Variants in ABCA7 observed in about 807,000 individuals in gnomAD.
ABCA7 encodes the protein phospholipid-transporting ATPase ABCA7.
ABCA7 carries 261 observed loss-of-function variants against 227.6 expected under a neutral mutation model. That is an observed-to-expected ratio of 1.15 (90% CI 1.04 to 1.27). ABCA7 has a LOEUF of 1.27. Ranked by LOEUF, ABCA7 falls within the 50% of genes most tolerant of loss-of-function variation. ABCA7 has a pLI of 0.00. For missense variants in ABCA7, 3,331 were observed against 2,924.5 expected, an observed-to-expected ratio of 1.14 and a Z score of -3.21; for synonymous variants, 1,488 against 1,279.7, an observed-to-expected ratio of 1.16 and a Z score of -3.47.
rs145667385 is a variant in ABCA7, at chr19:1,055,335, C to T, written c.4189C>T (p.Arg1397Cys). ...LSDFLVKTYP[R>C]LVRQGLKTKK... ...TGACTTCCTGGTCAAGACCTACCCG[C>T]GCCTGGTGCGCCAGGGGTGAGCCAT... Residue 1397 changes from arginine to cysteine, a missense_variant, in exon 30 of 47, where the codon CGC (arginine) becomes TGC (cysteine). Coordinates refer to ENST00000263094, the MANE Select transcript of ABCA7 (RefSeq NM_019112.4). The T allele has an allele frequency of 5.9e-5, 94 of 1,589,286 alleles. No homozygotes were observed. In the African/African-American group the frequency reaches 9.6e-4, roughly 16 times the overall value.
Position 1,052,245 on chromosome 19 carries a change from C to T in ABCA7, c.3179C>T (p.Thr1060Ile), listed in dbSNP as rs146500441. ...ADTDMEGSVDTRQEKKNGSQG... is the reference protein window; with the variant it reads ...ADTDMEGSVDIRQEKKNGSQG... The stretch of plus-strand genomic sequence containing the variant: ...ACTGACATGGAGGGCAGTGTGGACA[C>T]CAGGCAGGAAAAGAAGAATGGCAGC... The change falls in exon 23 of 47, where the codon ACC becomes ATC. Residue 1060 changes from threonine (T) to isoleucine (I), a missense_variant. Coordinates refer to ENST00000263094, the MANE Select transcript of ABCA7 (RefSeq NM_019112.4). The T allele has an allele frequency of 2.2e-5, 34 of 1,559,066 alleles. 1 individual carries two copies. In the African/African-American group the frequency reaches 4.2e-4, roughly 19 times the overall value.
intron 12 of ABCA7, chr19:1,045,435 G>A (rs1018982822): frequency 1.2e-5 from 7 of 604,556 alleles, no homozygotes; most frequent in Admixed American, 3.0e-5. Context: ...GAGGGGCGTG[G>A]CCATGGGCCT....
At position 1,059,011 on chromosome 19, in the gene ABCA7, G is replaced by C; in HGVS notation, c.5401-12G>C. 1 of 1,613,854 alleles carries C rather than the reference G, an allele frequency of 6.2e-7. No homozygotes were observed. Among genetic ancestry groups the C allele is most frequent in the African/African-American group, 1.3e-5 (1 of 75,022 alleles). On this transcript the variant is annotated splice_polypyrimidine_tract_variant and intron_variant, in intron 39 of 46. Transcript: ENST00000263094. ...GCCCACTCACCTTTCTGAAAGACCT[G>C]CACTCTCCCAGGTATACCGTGGGCA...
At position 1,056,485 on chromosome 19, in the gene ABCA7, GTCTGAGGGTGCACTGTGAGTCCC is replaced by G. The variant is rs1357382646; in HGVS notation, c.4575_4586+11del. 1.2e-6 allele frequency: 2 copies of G among 1,613,014 alleles called. No homozygotes were observed. The highest frequency in any genetic ancestry group is 1.7e-6 in the Non-Finnish European group (2 of 1,179,854). ...CCTTGAACCTCACCAAGGAGCAGCT[GTCTGAGGGTGCACTGTGAGTCCC>G]TCCACCCTGCATGTCCTACCCTGCA... On this transcript the variant is annotated splice_donor_variant and splice_donor_5th_base_variant and coding_sequence_variant and intron_variant, in exon 33 of 47. Coordinates refer to ENST00000263094, the MANE Select transcript of ABCA7 (RefSeq NM_019112.4). LOFTEE classifies it high-confidence loss of function. The surrounding 1 kb of genome is among the most constrained non-coding windows in gnomAD (Gnocchi z 4.3).
At position 1,063,793 on chromosome 19, in the gene ABCA7, C is replaced by A. The variant is rs1245527209; in HGVS notation, c.5881C>A (p.Arg1961=). ...EPTTGMDPSA[R]RFLWNSLLAV... ...GACCACAGGCATGGACCCCAGCGCG[C>A]GGCGCTTCCTTTGGAACAGCCTTTT... The change falls in exon 44 of 47, where the codon CGG becomes AGG. Residue 1961 remains arginine, a synonymous_variant. Transcript: ENST00000263094. 5.8e-6 allele frequency: 9 copies of A among 1,546,590 alleles called. No homozygotes were observed. The highest frequency in any genetic ancestry group is 7.9e-6 in the Non-Finnish European group (9 of 1,145,554).
Position 1,062,194 on chromosome 19 carries a change from G to GCGC in ABCA7, c.5594_5596dup (p.Ala1865_His1866insPro), listed in dbSNP as rs766153537. The GCGC allele has an allele frequency of 6.2e-7, 1 of 1,612,332 alleles. No individual in the cohort carries two copies. The highest frequency in any genetic ancestry group is 1.1e-5 in the South Asian group (1 of 91,086). On this transcript the variant is annotated inframe_insertion, in exon 42 of 47. Coordinates refer to ENST00000263094, the MANE Select transcript of ABCA7 (RefSeq NM_019112.4). ...CAGCGTGGCCCGGGAACCCAGTGCT[G>GCGC]CGCACCTCAGCATGGGATACTGCCC... is the stretch of plus-strand genomic sequence containing the variant.
At chr19:1,049,214 A>C in intron 17 of ABCA7, 52 bp from the exon 18 acceptor site, 1 of 1,535,218 alleles carries the variant, frequency 6.5e-7, no homozygotes. Flanking sequence ...AGGGACTTGC[A>C]GGCCCCAGGA....
chr19:1,054,741 G>A lies in ABCA7; in HGVS notation c.3852-39G>A. ...TGGTGGCAGGAAGACTAGGGACCTG[G>A]GGGTACAGCCCTGACCCTACATCTC... On this transcript the variant is annotated intron_variant, in intron 28 of 46. Coordinates refer to ENST00000263094, the MANE Select transcript of ABCA7 (RefSeq NM_019112.4). The surrounding 1 kb of genome is among the most constrained non-coding windows in gnomAD (Gnocchi z 4.8). 1 of 1,607,358 alleles carries A rather than the reference G, an allele frequency of 6.2e-7. No individual in the cohort carries two copies. The highest frequency in any genetic ancestry group is 1.3e-5 in the African/African-American group (1 of 74,934).
intron 37 of ABCA7, 44 bp from the exon 38 acceptor site, chr19:1,058,574 A>G: frequency 6.2e-7 from 1 of 1,605,080 alleles, no homozygotes. Context: ...AGGGCCAGAA[A>G]CCAAGACTCT....
At chr19:1,064,789 G>A in intron 45 of ABCA7, 142 bp from the exon 46 acceptor site, 1 of 1,334,552 alleles carries the variant, frequency 7.5e-7, no homozygotes, top group Non-Finnish European at 9.8e-7. Flanking sequence ...GGGGGTGGCG[G>A]GGGACTGAGA....
In ABCA7 at chr19:1,056,446, C is replaced by CA; in HGVS notation, c.4534dup (p.Thr1512AsnfsTer15). On this transcript the variant is annotated frameshift_variant, in exon 33 of 47. Coordinates refer to ENST00000263094, the MANE Select transcript of ABCA7 (RefSeq NM_019112.4). LOFTEE classifies it high-confidence loss of function. This position sits in a 1 kb window ranked among gnomAD's most constrained non-coding sequence, Gnocchi z 4.3. ...CGGCCCGCCACGCCCACAGCATCAC[C>CA]ACACTCAACCACCCCTTGAACCTCA... 6.2e-7 allele frequency: 1 copy of CA among 1,613,710 alleles called. No homozygotes were observed. Among genetic ancestry groups the CA allele is most frequent in the Non-Finnish European group, 8.5e-7 (1 of 1,180,004 alleles).
At chr19:1,044,447 C>G (rs1272051471) in intron 10 of ABCA7, 130 bp from the exon 11 acceptor site, 9 of 1,068,926 alleles carry the variant, frequency 8.4e-6, no homozygotes, top group Non-Finnish European at 1.2e-5. Flanking sequence ...GGGCTTTCAC[C>G]ATGTTGGCCA....
chr19:1,051,926 G>C lies in ABCA7; in HGVS notation c.2963-16G>C. ...GGCGGCCTGATGGTAGTTGTGGGTTGGTCCCCCGTGCCTAGGTCGCACGCT... is the reference window on the plus strand; with the variant it reads ...GGCGGCCTGATGGTAGTTGTGGGTTCGTCCCCCGTGCCTAGGTCGCACGCT... On this transcript the variant is annotated splice_polypyrimidine_tract_variant and intron_variant, in intron 21 of 46. Transcript: ENST00000263094. 2 of 1,607,196 alleles carry C rather than the reference G, an allele frequency of 1.2e-6. No homozygotes were observed. The highest frequency in any genetic ancestry group is 1.7e-5 in the Admixed American group (1 of 59,942).
Position 1,046,326 on chromosome 19 carries a change from C to T in ABCA7, c.1542C>T (p.Ala514=), listed in dbSNP as rs775452075. ...VYLQDLVERA[A]VRVLSGANPR... ...TGCAAGACCTGGTGGAGCGTGCAGC[C>T]GTCCGCGTGCTCAGCGGCGCCAACC... The change falls in exon 13 of 47, where the codon GCC becomes GCT. Residue 514 remains alanine (A), a synonymous_variant. Coordinates refer to ENST00000263094, the MANE Select transcript of ABCA7 (RefSeq NM_019112.4). 6.2e-7 allele frequency: 1 copy of T among 1,603,340 alleles called. No individual in the cohort carries two copies. The highest frequency in any genetic ancestry group is 8.5e-7 in the Non-Finnish European group (1 of 1,179,108).
intron 41 of ABCA7, 115 bp downstream of exon 41, chr19:1,062,003 G>C (rs1375739018): frequency 1.4e-6 from 2 of 1,425,910 alleles, no homozygotes; most frequent in Non-Finnish European, 1.9e-6. Context: ...CACCTGCATG[G>C]TCTCTGAGAC....
chr19:1,055,003 T>A, intron 29 of ABCA7, 94 bp from the exon 30 acceptor site: 1 of 1,529,272 alleles, frequency 6.5e-7, no homozygotes, highest in Non-Finnish European at 8.8e-7. Flanking sequence ...GCTGGGAGCC[T>A]CTGTGGCTCC....
At chr19:1,045,421 G>GA (rs2040526239) in intron 12 of ABCA7, 190 bp downstream of exon 12, 2 of 627,358 alleles carry the variant, frequency 3.2e-6, no homozygotes, top group Non-Finnish European at 5.5e-6. Context: ...GGGCCTAGGT[G>GA]CATGAGGGGC....
chr19:1,062,247 G>C lies in ABCA7; in HGVS notation c.5646G>C (p.Leu1882=). 1 of 1,611,822 alleles carries C rather than the reference G, an allele frequency of 6.2e-7. No individual in the cohort carries two copies. The highest frequency in any genetic ancestry group is 8.5e-7 in the Non-Finnish European group (1 of 1,179,774). ...CPQSDAIFEL[L]TGREHLELLA... ...AATCCGATGCCATCTTTGAGCTGCT[G>C]ACGGGCCGCGAGCACCTGGAGCTGC... Residue 1882 remains leucine, a synonymous_variant, in exon 42 of 47, where the codon CTG becomes CTC. Transcript: ENST00000263094.
chr19:1,061,825 C>T lies in ABCA7; in HGVS notation c.5507C>T (p.Thr1836Met), dbSNP rs1450584823. The part of the protein sequence containing the change: ...LGVNGAGKTS[T>M]FRMVTGDTLA... ...GTGAATGGAGCAGGGAAGACGTCCA[C>T]GTTTCGCATGGTGACGGGGGACACA... The change falls in exon 41 of 47, where the codon ACG becomes ATG. Residue 1836 changes from threonine (T) to methionine (M), a missense_variant. Transcript: ENST00000263094. 7 of 1,610,772 alleles carry T rather than the reference C, an allele frequency of 4.3e-6. No homozygotes were observed. The highest frequency in any genetic ancestry group is 1.1e-5 in the South Asian group (1 of 90,614).
Sources: allele counts gnomAD v4.1 joint callset, GRCh38; gene constraint gnomAD v4.1.1; non-coding constraint Gnocchi (gnomAD v3.1); transcripts MANE v1.5; gene names NCBI Gene and HGNC (gene_info 2026-07-23, HGNC 2026-07-21).